Variants in FHIP2B observed in about 807,000 individuals in gnomAD.
FHIP2B encodes FHF complex subunit HOOK-interacting protein 2B.
A neutral mutation model predicts 84.0 loss-of-function variants in FHIP2B; 72 were observed. That is an observed-to-expected ratio of 0.86 (90% confidence interval 0.71 to 1.04). FHIP2B has a LOEUF of 1.04. FHIP2B is among the 50% of genes least tolerant of loss of function. The pLI is 0.00. For synonymous variants in FHIP2B, 497 were observed against 418.7 expected, an observed-to-expected ratio of 1.19 and a Z score of -2.28; for missense variants, 972 against 968.9, an observed-to-expected ratio of 1.00 and a Z score of -0.04.
At chr8:22,102,659 G>A in intron 16 of FHIP2B, 31 bp downstream of exon 16, 1 of 1,566,160 alleles carries the variant, frequency 6.4e-7, no homozygotes, top group Non-Finnish European at 8.7e-7. Flanking sequence ...GTGAAGCCTT[G>A]GGGTGGGAGA....
At position 22,102,372 on chromosome 8, in the gene FHIP2B, A is replaced by G. The variant is rs911747644; in HGVS notation, c.1992+57A>G. The G allele has an allele frequency of 6.3e-6, 10 of 1,594,704 alleles. No homozygotes were observed. In the African/African-American group the frequency reaches 1.2e-4, roughly 19 times the overall value. ...TAGTGAGGTGGAGGGGACATCAGGGAAAGGGAACGGGGCAGGTGGTTGGGG... is the reference window on the plus strand; with the variant it reads ...TAGTGAGGTGGAGGGGACATCAGGGGAAGGGAACGGGGCAGGTGGTTGGGG... On this transcript the variant is annotated intron_variant, in intron 15 of 16. Transcript: ENST00000289921.
rs13439877 is a variant in FHIP2B at position 22,093,259 on chromosome 8, T to G, written c.46-1181T>G. ...AGAAATGCACAGCTGTGGGGAGGGATGATTAGAATTCTTTTTTTCCTGAAA... is the reference window on the plus strand; with the variant it reads ...AGAAATGCACAGCTGTGGGGAGGGAGGATTAGAATTCTTTTTTTCCTGAAA... On this transcript the variant is annotated intron_variant, in intron 1 of 16. Coordinates refer to ENST00000289921, the MANE Select transcript of FHIP2B (RefSeq NM_022749.7). Among the ~76,000 whole-genome samples the G allele has an allele frequency of 4.7e-3, 715 of 152,252 alleles. 4 individuals are homozygous for G. Among genetic ancestry groups the G allele is most frequent in the African/African-American group, 0.017 (691 of 41,526 alleles).
Position 22,093,708 on chromosome 8 carries a change from C to CTTTT in FHIP2B, c.46-709_46-706dup, listed in dbSNP as rs59841460. The stretch of plus-strand genomic sequence containing the variant: ...ATTGAGAGGAATGGAAAAGCTTTGT[C>CTTTT]TTTTTTTTTTTTTTTTTTTTTTTTT... On this transcript the variant is annotated intron_variant, in intron 1 of 16. Coordinates refer to ENST00000289921, the MANE Select transcript of FHIP2B (RefSeq NM_022749.7). Among the ~76,000 whole-genome samples, 406 of 66,444 alleles carry CTTTT rather than the reference C, an allele frequency of 6.1e-3. 120 individuals are homozygous for CTTTT. Among genetic ancestry groups the CTTTT allele is most frequent in the African/African-American group, 0.022 (352 of 15,814 alleles). The allele number at this position is 66,444 out of a possible 152,430, so 43.6% of individuals were successfully genotyped here.
At chr8:22,094,298 T>G in intron 1 of FHIP2B, 142 bp from the exon 2 acceptor site, 1 of 691,172 alleles carries the variant, frequency 1.4e-6, no homozygotes, top group South Asian at 2.1e-5. Context: ...GTGTTATTCC[T>G]CCCTTTGAAA....
At chr8:22,096,015 C>A in intron 2 of FHIP2B, 1 of 203,934 alleles carries the variant, frequency 4.9e-6, no homozygotes, top group Non-Finnish European at 9.8e-6. Context: ...CTGACAGCAG[C>A]CTTCTGTGGG....
chr8:22,089,934 G>A, intron 1 of FHIP2B: 1 of 1,003,070 alleles, frequency 1.0e-6, no homozygotes, highest in East Asian at 6.8e-5. Context: ...CAGCGTGGCT[G>A]TGACCCCTCA....
intron 1 of FHIP2B, among the ~76,000 whole-genome samples, chr8:22,091,099 C>G (rs1320353077): frequency 2.6e-5 from 4 of 152,132 alleles, no homozygotes; most frequent in South Asian, 2.1e-4. Flanking sequence ...CTTTTGTGCT[C>G]TACCCTCAGG....
chr8:22,094,913 C>T (rs1825684127), intron 2 of FHIP2B: 20 of 1,075,894 alleles, frequency 1.9e-5, no homozygotes, highest in Non-Finnish European at 2.1e-5. Context: ...CCCCTTTCCC[C>T]TGAGCCAGCT....
In FHIP2B at chr8:22,090,153, T is replaced by TTGGG. The variant is rs1554573640; in HGVS notation, c.45+855_45+856insTGGG. 1.2e-3 allele frequency among the ~76,000 whole-genome samples: 115 copies of TTGGG among 97,836 alleles called. 5 individuals are homozygous for TTGGG. In the East Asian group the frequency reaches 0.023, roughly 20 times the overall value. The allele number at this position is 97,836 out of a possible 152,430, so 64.2% of individuals were successfully genotyped here. On this transcript the variant is annotated intron_variant, in intron 1 of 16. Transcript: ENST00000289921. Reference sequence around the variant, plus strand: ...AAGGGTGGGGGTATTCCCGGTAGGGTGGGGGGGGTGCCCGCTGTTGAAAGT... The same window carrying TTGGG: ...AAGGGTGGGGGTATTCCCGGTAGGGTTGGGGGGGGGGGTGCCCGCTGTTGAAAGT...
intron 7 of FHIP2B, 95 bp downstream of exon 7, chr8:22,098,714 T>C (rs1825935865): frequency 1.5e-5 from 20 of 1,293,844 alleles, no homozygotes; most frequent in Non-Finnish European, 2.0e-5. Context: ...TCCACGTTGC[T>C]AGGGACCCCT....
At chr8:22,099,450 T>G (rs1208201101) in intron 9 of FHIP2B, 90 bp downstream of exon 9, 2 of 1,367,004 alleles carry the variant, frequency 1.5e-6, no homozygotes, top group East Asian at 4.9e-5. Flanking sequence ...GCCAGACACC[T>G]TCTTGACCAG....
intron 1 of FHIP2B, 113 bp downstream of exon 1, chr8:22,089,411 G>A (rs1825343304): frequency 1.8e-6 from 1 of 540,874 alleles, no homozygotes; most frequent in Non-Finnish European, 2.4e-6. Context: ...GGGCCCCCTC[G>A]GGCAGGGACC....
At chr8:22,102,142 C>T (rs767650630) in intron 14 of FHIP2B, 33 bp from the exon 15 acceptor site, 1 of 1,613,062 alleles carries the variant, frequency 6.2e-7, no homozygotes, top group East Asian at 2.2e-5. Flanking sequence ...CCAGCCCTGC[C>T]AGCCCTCGGC....
At position 22,100,905 on chromosome 8, in the gene FHIP2B, G is replaced by T. The variant is rs368184373; in HGVS notation, c.1549G>T (p.Ala517Ser). ...CCTGGATTCCGGCTTTCAAACTCCCGCAAAGCCTCGCCTAGCTCCTGCTAC... is the reference window on the plus strand; with the variant it reads ...CCTGGATTCCGGCTTTCAAACTCCCTCAAAGCCTCGCCTAGCTCCTGCTAC... ...SFLDSGFQTPAKPRLAPATSY... is the reference protein window; with the variant it reads ...SFLDSGFQTPSKPRLAPATSY... The change falls in exon 12 of 17, where the codon GCA (alanine) becomes TCA (serine). Residue 517 changes from alanine (A) to serine (S), a missense_variant. Transcript: ENST00000289921. 2 of 1,613,728 alleles carry T rather than the reference G, an allele frequency of 1.2e-6. No individual in the cohort carries two copies. The highest frequency in any genetic ancestry group is 2.7e-5 in the African/African-American group (2 of 74,926).
chr8:22,099,884 C>G lies in FHIP2B; in HGVS notation c.1332C>G (p.Leu444=), dbSNP rs746572647. 1 of 1,609,842 alleles carries G rather than the reference C, an allele frequency of 6.2e-7. No homozygotes were observed. Among genetic ancestry groups the G allele is most frequent in the Non-Finnish European group, 8.5e-7 (1 of 1,178,394 alleles). The change falls in exon 10 of 17, where the codon CTC becomes CTG. Residue 444 remains leucine, a synonymous_variant. Coordinates refer to ENST00000289921, the MANE Select transcript of FHIP2B (RefSeq NM_022749.7). ...YAHLIGHCDH[L]SDEISITTLR... The stretch of plus-strand genomic sequence containing the variant: ...ATCTCATCGGGCATTGTGACCACCT[C>G]TCTGATGAGGTACAGTGGGGGACCT...
Position 22,100,727 on chromosome 8 carries a change from A to T in FHIP2B, c.1475A>T (p.Tyr492Phe). Residue 492 changes from tyrosine (Y) to phenylalanine (F), a missense_variant, in exon 11 of 17, where the codon TAT (tyrosine) becomes TTT (phenylalanine). By Grantham distance (22) the Tyr-to-Phe change is conservative. Coordinates refer to ENST00000289921, the MANE Select transcript of FHIP2B (RefSeq NM_022749.7). ...TGGGGCTCACCAGAGCCTGAGAGCT[A>T]TGAGGACACCCTGTAAGTGAAACCG... ...VAWGSPEPESYEDTLDLEEDP... is the reference protein window; with the variant it reads ...VAWGSPEPESFEDTLDLEEDP... 1 of 1,604,226 alleles carries T rather than the reference A, an allele frequency of 6.2e-7. No individual in the cohort carries two copies. Among genetic ancestry groups the T allele is most frequent in the Non-Finnish European group, 8.5e-7 (1 of 1,174,124 alleles).
intron 10 of FHIP2B, chr8:22,100,224 G>A: frequency 5.2e-6 from 2 of 387,768 alleles, no homozygotes; most frequent in South Asian, 5.1e-5. Context: ...ATGAGCCACT[G>A]TTCCCAGCTT....
Position 22,099,876 on chromosome 8 carries a change from G to A in FHIP2B, c.1324G>A (p.Asp442Asn), listed in dbSNP as rs756701033. Reference sequence around the variant, plus strand: ...GTATGCTCATCTCATCGGGCATTGTGACCACCTCTCTGATGAGGTACAGTG... The same window carrying A: ...GTATGCTCATCTCATCGGGCATTGTAACCACCTCTCTGATGAGGTACAGTG... ...TLYAHLIGHC[D>N]HLSDEISITT... is the part of the protein sequence containing the mutation. Residue 442 changes from aspartate to asparagine, a missense_variant, in exon 10 of 17, where the codon GAC (aspartate) becomes AAC (asparagine). Transcript: ENST00000289921. 2.2e-5 allele frequency: 35 copies of A among 1,611,058 alleles called. No individual in the cohort carries two copies. Among genetic ancestry groups the A allele is most frequent in the Non-Finnish European group, 2.5e-5 (30 of 1,178,892 alleles).
Position 22,098,208 on chromosome 8 carries a change from C to G in FHIP2B, c.666C>G (p.Ala222=). The change falls in exon 6 of 17, where the codon GCC becomes GCG. Residue 222 remains alanine, a synonymous_variant. Coordinates refer to ENST00000289921, the MANE Select transcript of FHIP2B (RefSeq NM_022749.7). The stretch of plus-strand genomic sequence containing the variant: ...AGCTGGACGGGGAGTCCTGTGGGGC[C>G]CAGGCCTTGAACAGCCACATGCCTG... ...RPQLDGESCG[A]QALNSHMPAE... is the part of the protein sequence containing the mutation. 6.3e-7 allele frequency: 1 copy of G among 1,582,606 alleles called. No homozygotes were observed. Among genetic ancestry groups the G allele is most frequent in the Non-Finnish European group, 8.6e-7 (1 of 1,165,026 alleles).
Sources: allele counts gnomAD v4.1 joint callset (sites outside exome capture counted in the v4.1 genomes callset), GRCh38; gene constraint gnomAD v4.1.1; transcripts MANE v1.5; gene names NCBI Gene and HGNC (gene_info 2026-07-23, HGNC 2026-07-21).